SEL1L3: variants seen among roughly 807,000 people sequenced by gnomAD.
SEL1L3 encodes the protein SEL1L family member 3, also known as protein sel-1 homolog 3.
A neutral mutation model predicts 142.8 loss-of-function variants in SEL1L3; 76 were observed. The observed-to-expected ratio is 0.53, with a 90% CI of 0.44 to 0.64. The LOEUF is 0.64. SEL1L3 is among the 30% of genes least tolerant of loss of function. The pLI is 0.00. For missense variants in SEL1L3, 1,262 were observed against 1,381.7 expected, an observed-to-expected ratio of 0.91 and a Z score of 1.37; for synonymous variants, 504 against 519.6, an observed-to-expected ratio of 0.97 and a Z score of 0.41.
the SEL1L3 span, chr4:25,719,432 A>G: frequency 9.2e-5 from 14 of 152,300 alleles, no homozygotes; most frequent in African/African-American, 3.4e-4. Context: ...TATGATTTAA[A>G]AAGTCTGTAG....
In SEL1L3 at chr4:25,757,798, C is replaced by A. The variant is rs777384733; in HGVS notation, c.3084-8G>T. The A allele has an allele frequency of 6.4e-7, 1 of 1,565,352 alleles. No individual in the cohort carries two copies. Among genetic ancestry groups the A allele is most frequent in the Non-Finnish European group, 8.7e-7 (1 of 1,155,292 alleles). ...TTACTGTGGCTCCAGCACCTGCAGA[C>A]AAAGCCCAGGGCATCTTGACGTGTC... On this transcript the variant is annotated splice_polypyrimidine_tract_variant and splice_region_variant and intron_variant, in intron 21 of 23. Coordinates refer to ENST00000399878, the MANE Select transcript of SEL1L3 (RefSeq NM_015187.5).
upstream of SEL1L3, among the ~76,000 whole-genome samples, chr4:25,863,185 G>A (rs1717869490): frequency 7.3e-6 from 1 of 137,834 alleles, no homozygotes; most frequent in Non-Finnish European, 1.6e-5. Flanking sequence ...CCGCCCCTTG[G>A]CCGCCGCCAC....
At chr4:25,823,389 C>T (rs778874942) in intron 6 of SEL1L3, among the ~76,000 whole-genome samples, 2 of 152,018 alleles carry the variant, frequency 1.3e-5, no homozygotes, top group Non-Finnish European at 2.9e-5. Flanking sequence ...GTGGTGCGTG[C>T]CTGTAATCCA....
chr4:25,802,740 C>T (rs1290012093), intron 10 of SEL1L3, among the ~76,000 whole-genome samples: 2 of 152,102 alleles, frequency 1.3e-5, no homozygotes, highest in African/African-American at 2.4e-5. Flanking sequence ...CACCACAATG[C>T]CCAGCTAATT....
At chr4:25,834,794 G>A (rs940100025) in intron 3 of SEL1L3, among the ~76,000 whole-genome samples, 1 of 152,122 alleles carries the variant, frequency 6.6e-6, no homozygotes, top group Non-Finnish European at 1.5e-5. Flanking sequence ...ATATATCTGG[G>A]TCTTGCTGAA....
intron 15 of SEL1L3, among the ~76,000 whole-genome samples, chr4:25,780,826 A>ATATATTATATATATTT (rs1560294587): frequency 5.6e-5 from 3 of 53,104 alleles, no homozygotes; most frequent in African/African-American, 3.7e-4. Flanking sequence ...TATATATTTT[A>ATATATTATATATATTT]TATATATATA....
At chr4:25,790,368 A>C in intron 12 of SEL1L3, 87 bp downstream of exon 12, 10 of 1,223,364 alleles carry the variant, frequency 8.2e-6, no homozygotes, top group Non-Finnish European at 9.6e-6. Flanking sequence ...ATTTTAAGCC[A>C]CTGCAGTTTG....
At chr4:25,732,625 C>T in the SEL1L3 span, among the ~76,000 whole-genome samples, 1 of 152,142 alleles carries the variant, frequency 6.6e-6, no homozygotes, top group Non-Finnish European at 1.5e-5. Context: ...ATCCTCATGG[C>T]TAGTTTGGTG....
At chr4:25,799,975 C>T (rs11728341) in intron 11 of SEL1L3, among the ~76,000 whole-genome samples, 1,705 of 152,270 alleles carry the variant, frequency 0.011, 17 homozygotes, top group Non-Finnish European at 0.018. Flanking sequence ...AATGCGAGGA[C>T]TAATCATTTG....
At chr4:25,823,501 C>T (rs112979473) in intron 6 of SEL1L3, among the ~76,000 whole-genome samples, 3,200 of 151,320 alleles carry the variant, frequency 0.021, 129 homozygotes, top group African/African-American at 0.073. Flanking sequence ...GTGACAAGAG[C>T]GAGACTCCAT....
chr4:25,754,605 C>CT (rs1005600871), intron 23 of SEL1L3, among the ~76,000 whole-genome samples: 49 of 150,540 alleles, frequency 3.3e-4, no homozygotes, highest in Admixed American at 3.3e-4. Context: ...TTTTCTTTTT[C>CT]TTTTTTTTTA....
chr4:25,739,618 A>T, the SEL1L3 span, among the ~76,000 whole-genome samples: 1 of 151,694 alleles, frequency 6.6e-6, no homozygotes, highest in East Asian at 2.0e-4. Context: ...GAGGCAGGAG[A>T]ATTGCTTGAA....
intron 17 of SEL1L3, among the ~76,000 whole-genome samples, chr4:25,771,304 C>G (rs1187080190): frequency 4.6e-5 from 7 of 152,054 alleles, no homozygotes; most frequent in Admixed American, 1.3e-4. Context: ...CCTTAGACAG[C>G]CATTTTGACA....
chr4:25,776,935 C>A, intron 16 of SEL1L3, among the ~76,000 whole-genome samples: 1 of 150,366 alleles, frequency 6.7e-6, no homozygotes. Context: ...AGAAAATAAA[C>A]AGGAAAATGG....
At chr4:25,718,068 C>T in the SEL1L3 span, 3 of 152,210 alleles carry the variant, frequency 2.0e-5, no homozygotes, top group East Asian at 5.8e-4. Flanking sequence ...TTTGGTTGAA[C>T]TATAGCTACA....
At chr4:25,715,165 A>G in the SEL1L3 span, among the ~76,000 whole-genome samples, 1 of 152,074 alleles carries the variant, frequency 6.6e-6, no homozygotes, top group South Asian at 2.1e-4. Flanking sequence ...AAATTTTTGC[A>G]CCCTATGTTC....
intron 16 of SEL1L3, among the ~76,000 whole-genome samples, chr4:25,777,206 G>GA (rs1719696282): frequency 6.6e-6 from 1 of 151,912 alleles, no homozygotes; most frequent in Non-Finnish European, 1.5e-5. Flanking sequence ...ATGATCATCA[G>GA]AAAAAATAGA....
rs1718857144 is a variant in SEL1L3, at chr4:25,767,797, T to C, written c.2703A>G (p.Ala901=). 6.3e-7 allele frequency: 1 copy of C among 1,578,336 alleles called. No individual in the cohort carries two copies. The highest frequency in any genetic ancestry group is 1.2e-5 in the South Asian group (1 of 85,956). Residue 901 remains alanine, a synonymous_variant, in exon 18 of 24, where the codon GCA becomes GCG. Transcript: ENST00000399878. The part of the protein sequence containing the change: ...HEALLYYVLA[A]ETGIEVSQTN... ...TCTGTGACACTTCAATTCCAGTTTC[T>C]GCTGCTAAAACATAATACAGCAAAG...
At chr4:25,863,473 A>G (rs1005287504), upstream of SEL1L3, 4 of 701,608 alleles carry the variant, frequency 5.7e-6, no homozygotes, top group African/African-American at 5.3e-5. Context: ...CGCCCGTGCA[A>G]TGGGTTTTTG....
Sources: allele counts gnomAD v4.1 joint callset (sites outside exome capture counted in the v4.1 genomes callset), GRCh38; gene constraint gnomAD v4.1.1; transcripts MANE v1.5; gene names NCBI Gene and HGNC (gene_info 2026-07-23, HGNC 2026-07-21).